The following USP15 variants were observed in gnomAD, a reference collection of about 807,000 sequenced individuals.
USP15 encodes ubiquitin specific peptidase 15, also known as ubiquitin carboxyl-terminal hydrolase 15.
In USP15, 18 loss-of-function variants were observed where a neutral mutation model predicts 127.1. The ratio of observed to expected loss-of-function variants is 0.14; its 90% CI spans 0.10 to 0.21. The LOEUF (loss-of-function observed/expected upper bound fraction) is 0.21, where lower values mean the gene tolerates loss of function less well. USP15 is among the 10% of genes least tolerant of loss of function. The probability of loss-of-function intolerance (pLI) is 1.00; values close to 1 mark genes in which losing one functional copy is unlikely to be tolerated. For synonymous variants in USP15, 364 were observed against 393.7 expected, an observed-to-expected ratio of 0.92 and a Z score of 0.89; for missense variants, 805 against 1,159.9, an observed-to-expected ratio of 0.69 and a Z score of 4.44.
intron 19 of USP15, among the ~76,000 whole-genome samples, chr12:62,395,870 C>A (rs1370673811): frequency 6.6e-6 from 1 of 151,820 alleles, no homozygotes; most frequent in Non-Finnish European, 1.5e-5. Flanking sequence ...TGTATATGTA[C>A]CAGATTTTCT....
chr12:62,289,378 C>G (rs570563327), intron 1 of USP15, among the ~76,000 whole-genome samples: 75 of 152,172 alleles, frequency 4.9e-4, no homozygotes, highest in African/African-American at 1.7e-3. Flanking sequence ...TCTAGGTTTT[C>G]TAGTTTGTGC....
chr12:62,394,112 ATC>A (rs1555223486), intron 19 of USP15, among the ~76,000 whole-genome samples: 1 of 152,208 alleles, frequency 6.6e-6, no homozygotes, highest in Non-Finnish European at 1.5e-5. Context: ...TTCACACTTT[ATC>A]TCTCTTTTTT....
intron 1 of USP15, among the ~76,000 whole-genome samples, chr12:62,264,514 G>A (rs1258460140): frequency 6.6e-6 from 1 of 152,122 alleles, no homozygotes; most frequent in Admixed American, 6.5e-5. Flanking sequence ...AACTGTAGTA[G>A]GTAACTTTAC....
chr12:62,365,589 G>A (rs574410138), intron 8 of USP15, among the ~76,000 whole-genome samples: 4 of 152,190 alleles, frequency 2.6e-5, no homozygotes, highest in Non-Finnish European at 5.9e-5. Context: ...GACTTTTGTT[G>A]CCATTGCTTT....
chr12:62,283,541 A>G (rs2063709603), intron 1 of USP15, among the ~76,000 whole-genome samples: 1 of 152,212 alleles, frequency 6.6e-6, no homozygotes, highest in Non-Finnish European at 1.5e-5. Context: ...GATTAAACAC[A>G]TTATTTGCAG....
intron 1 of USP15, among the ~76,000 whole-genome samples, chr12:62,285,528 A>G (rs867459044): frequency 2.5e-4 from 38 of 151,538 alleles, no homozygotes; most frequent in African/African-American, 8.7e-4. Context: ...CCAGTCATCC[A>G]TTTATGGACA....
chr12:62,265,118 G>A (rs2063162098), intron 1 of USP15, among the ~76,000 whole-genome samples: 1 of 152,152 alleles, frequency 6.6e-6, no homozygotes, highest in East Asian at 1.9e-4. Context: ...AGTCCAGGAA[G>A]GTCCAGAGCT....
intron 4 of USP15, among the ~76,000 whole-genome samples, chr12:62,316,081 TC>T (rs2064822091): frequency 6.6e-6 from 1 of 152,032 alleles, no homozygotes; most frequent in Non-Finnish European, 1.5e-5. Flanking sequence ...AGTGAGGAGT[TC>T]GAGACCAGCC....
Position 62,415,963 on chromosome 12 carries a change from C to T in USP15, c.*11588C>T, listed in dbSNP as rs1235576616. 2 of 152,210 alleles carry T rather than the reference C, an allele frequency of 1.3e-5. No homozygotes were observed. Among genetic ancestry groups the T allele is most frequent in the African/African-American group, 4.8e-5 (2 of 41,450 alleles). 9.4% of individuals were successfully genotyped at this position (152,210 alleles called of 1,614,324 possible). A position where few individuals can be genotyped will look rare whatever the true frequency, so the allele number is the denominator to read the frequency against. On this transcript the variant is annotated 3_prime_UTR_variant, in exon 22 of 22. Coordinates refer to ENST00000280377, the MANE Select transcript of USP15 (RefSeq NM_001252078.2). ...AGCTCTCTGTTCAATACGATTCATA[C>T]TCAAGTTCTAATAAACTTTCTTTAG...
rs1408450369 is a variant in USP15 at position 62,408,603 on chromosome 12, A to G, written c.*4228A>G. 2 of 152,306 alleles carry G rather than the reference A, an allele frequency of 1.3e-5. No individual in the cohort carries two copies. The highest frequency in any genetic ancestry group is 2.1e-4 in the South Asian group (1 of 4,832). The allele number at this position is 152,306 out of a possible 1,614,324, so 9.4% of individuals were successfully genotyped here. A position where few individuals can be genotyped will look rare whatever the true frequency, so the allele number is the denominator to read the frequency against. On this transcript the variant is annotated 3_prime_UTR_variant, in exon 22 of 22. Coordinates refer to ENST00000280377, the MANE Select transcript of USP15 (RefSeq NM_001252078.2). ...CTCTTTGAATAACTTAACATGAGGA[A>G]TTTGGAAACAACCTCTCTTGAAAAT...
At chr12:62,295,449 CA>C (rs2064101896) in intron 2 of USP15, among the ~76,000 whole-genome samples, 1 of 152,118 alleles carries the variant, frequency 6.6e-6, no homozygotes, top group Non-Finnish European at 1.5e-5. Context: ...TATAAGAATA[CA>C]AAAATATCCA....
At chr12:62,297,995 T>C (rs974041477) in intron 2 of USP15, among the ~76,000 whole-genome samples, 1 of 152,240 alleles carries the variant, frequency 6.6e-6, no homozygotes. Flanking sequence ...AAACAAATTT[T>C]GGAATACGAT....
intron 21 of USP15, among the ~76,000 whole-genome samples, chr12:62,402,085 C>G (rs993323161): frequency 2.6e-5 from 4 of 151,780 alleles, no homozygotes; most frequent in Non-Finnish European, 4.4e-5. Flanking sequence ...CTGTTCTCCT[C>G]AAATTGCCCA....
intron 6 of USP15, among the ~76,000 whole-genome samples, chr12:62,327,242 A>G (rs1347728984): frequency 2.0e-5 from 3 of 151,912 alleles, no homozygotes; most frequent in East Asian, 3.9e-4. Context: ...TAAAAATATC[A>G]TGAGAAGGCA....
intron 8 of USP15, among the ~76,000 whole-genome samples, chr12:62,367,090 T>A (rs2066502136): frequency 6.6e-6 from 1 of 152,168 alleles, no homozygotes; most frequent in Admixed American, 6.5e-5. Flanking sequence ...GGAGTCCCTC[T>A]TTTGTATTGT....
chr12:62,394,851 C>CAA (rs751952712), intron 19 of USP15, among the ~76,000 whole-genome samples: 1 of 95,322 alleles, frequency 1.0e-5, no homozygotes. Context: ...GACTCCCTCT[C>CAA]AAAAAAAAAA....
At chr12:62,403,089 T>C (rs1565920562) in intron 21 of USP15, among the ~76,000 whole-genome samples, 1 of 152,064 alleles carries the variant, frequency 6.6e-6, no homozygotes, top group African/African-American at 2.4e-5. Context: ...ATAGTTGCTG[T>C]TGAAGTTTGA....
intron 1 of USP15, among the ~76,000 whole-genome samples, chr12:62,280,315 C>G (rs1159940276): frequency 6.6e-6 from 1 of 152,130 alleles, no homozygotes; most frequent in Non-Finnish European, 1.5e-5. Flanking sequence ...GAAGCAGTGA[C>G]ATTTAGGCAG....
chr12:62,343,497 A>G (rs2065712455), intron 6 of USP15, among the ~76,000 whole-genome samples: 1 of 152,108 alleles, frequency 6.6e-6, no homozygotes, highest in African/African-American at 2.4e-5. Context: ...GCCTGCCCAA[A>G]CAGCCACCCA....
Sources: allele counts gnomAD v4.1 joint callset (sites outside exome capture counted in the v4.1 genomes callset), GRCh38; gene constraint gnomAD v4.1.1; transcripts MANE v1.5; gene names NCBI Gene and HGNC (gene_info 2026-07-23, HGNC 2026-07-21).